The following PDE4D variants were observed in gnomAD, a reference collection of about 807,000 sequenced individuals.
PDE4D encodes the protein phosphodiesterase 4D, also known as 3',5'-cyclic-AMP phosphodiesterase 4D.
Under a neutral mutation model 87.4 loss-of-function variants are expected in PDE4D, and 24 were observed. The observed-to-expected ratio is 0.27, with a 90% CI of 0.20 to 0.39. The LOEUF (loss-of-function observed/expected upper bound fraction) is 0.39. Among genes scored for constraint, PDE4D ranks in the 10% least tolerant of loss-of-function variants. The pLI is 1.00. For missense variants in PDE4D, 714 were observed against 1,041.0 expected (o/e 0.69, Z 4.32); for synonymous variants, 384 against 383.2 (o/e 1.00, Z -0.02).
In PDE4D at chr5:59,887,738, TTTGTG is replaced by T. The variant is rs1561819003; in HGVS notation, c.455+5425_455+5429del. 2.0e-4 allele frequency among the ~76,000 whole-genome samples: 30 copies of T among 151,976 alleles called. No homozygotes were observed. In the South Asian group the frequency reaches 2.5e-3, roughly 13 times the overall value. ...AGCCATCAGTGTGTGTGTGTGTGTGTTTGTGTGTGTGTGTGTGTGTAAATGTATCC... is the reference window on the plus strand; with the variant it reads ...AGCCATCAGTGTGTGTGTGTGTGTGTTGTGTGTGTGTGTGTAAATGTATCC... On this transcript the variant is annotated intron_variant, in intron 1 of 14. Coordinates refer to ENST00000340635, the MANE Select transcript of PDE4D (RefSeq NM_001104631.2).
chr5:60,453,852 A>G (rs1467968059), intron 1 of PDE4D, among the ~76,000 whole-genome samples: 1 of 152,182 alleles, frequency 6.6e-6, no homozygotes, highest in Non-Finnish European at 1.5e-5. Flanking sequence ...GAAACAATGT[A>G]TAAGTGCACC....
intron 1 of PDE4D, among the ~76,000 whole-genome samples, chr5:59,422,542 C>T (rs943631529): frequency 2.0e-5 from 3 of 152,106 alleles, no homozygotes; most frequent in South Asian, 2.1e-4. Flanking sequence ...AGAAGCTTTC[C>T]GTTTGTAGTT....
At chr5:60,106,069 G>C (rs1428382702) in intron 2 of PDE4D, among the ~76,000 whole-genome samples, 2 of 152,080 alleles carry the variant, frequency 1.3e-5, no homozygotes, top group African/African-American at 4.8e-5. Context: ...TGGCAAATTG[G>C]ATAAAGGGTC....
At chr5:59,106,675 G>A (rs1166679840) in intron 5 of PDE4D, among the ~76,000 whole-genome samples, 8 of 152,302 alleles carry the variant, frequency 5.3e-5, no homozygotes, top group East Asian at 1.9e-4. Flanking sequence ...AAGGAGAATC[G>A]CTTGAACCCG....
At chr5:60,268,237 C>T (rs896763630) in intron 1 of PDE4D, among the ~76,000 whole-genome samples, 7 of 152,126 alleles carry the variant, frequency 4.6e-5, no homozygotes, top group African/African-American at 7.2e-5. Flanking sequence ...CTGTTTACAA[C>T]AAAATCATCA....
intron 1 of PDE4D, among the ~76,000 whole-genome samples, chr5:59,522,453 C>T (rs1284304441): frequency 3.3e-5 from 5 of 152,158 alleles, no homozygotes; most frequent in Non-Finnish European, 7.3e-5. Flanking sequence ...AATTGAGTAG[C>T]AAGGGAAGGT....
chr5:59,820,178 C>T (rs1429595477), intron 1 of PDE4D, among the ~76,000 whole-genome samples: 1 of 152,140 alleles, frequency 6.6e-6, no homozygotes, highest in African/African-American at 2.4e-5. Flanking sequence ...CTTTTTCTTG[C>T]CTCTCCCATT....
At chr5:60,134,141 G>A (rs1282012520) in intron 2 of PDE4D, among the ~76,000 whole-genome samples, 3 of 152,054 alleles carry the variant, frequency 2.0e-5, no homozygotes, top group Non-Finnish European at 4.4e-5. Flanking sequence ...TTTAATATTT[G>A]TATAATTTGT....
intron 2 of PDE4D, among the ~76,000 whole-genome samples, chr5:60,008,542 A>G (rs975023882): frequency 6.6e-6 from 1 of 152,028 alleles, no homozygotes; most frequent in Admixed American, 6.6e-5. Flanking sequence ...TGCAAGTTTT[A>G]GGTGTACACT....
intron 2 of PDE4D, among the ~76,000 whole-genome samples, chr5:60,044,592 C>A (rs1041689945): frequency 2.6e-5 from 4 of 151,720 alleles, no homozygotes; most frequent in Admixed American, 6.6e-5. Context: ...TCAATTCCCA[C>A]CTATGAGTGA....
At chr5:59,937,578 C>T (rs1056939257) in intron 3 of PDE4D, among the ~76,000 whole-genome samples, 2 of 152,118 alleles carry the variant, frequency 1.3e-5, no homozygotes, top group African/African-American at 4.8e-5. Flanking sequence ...AAGGACTTTC[C>T]CTGGTGCAGG....
intron 2 of PDE4D, among the ~76,000 whole-genome samples, chr5:60,064,810 C>T (rs1771871437): frequency 6.6e-6 from 1 of 152,084 alleles, no homozygotes; most frequent in African/African-American, 2.4e-5. Flanking sequence ...TCTCTGCTCC[C>T]AGTATAAATG....
chr5:58,969,634 ATATAAT>A lies in PDE4D; in HGVS notation c.*5024_*5029del, dbSNP rs1480682891. ...AGCTCCTTCATTGTACTGATCACAT[ATATAAT>A]TATATGAGTATTGTTTAAGCCTTTG... is the stretch of plus-strand genomic sequence containing the variant. On this transcript the variant is annotated 3_prime_UTR_variant, in exon 15 of 15. Coordinates refer to ENST00000340635, the MANE Select transcript of PDE4D (RefSeq NM_001104631.2). The A allele has an allele frequency of 6.6e-6, 1 of 152,164 alleles. No homozygotes were observed. The highest frequency in any genetic ancestry group is 1.5e-5 in the Non-Finnish European group (1 of 68,034). The allele number at this position is 152,164 out of a possible 1,614,324, so 9.4% of individuals were successfully genotyped here.
At chr5:60,446,900 A>G (rs1745685547) in intron 1 of PDE4D, among the ~76,000 whole-genome samples, 1 of 152,198 alleles carries the variant, frequency 6.6e-6, no homozygotes, top group Non-Finnish European at 1.5e-5. Flanking sequence ...GTTAGACCTG[A>G]AAATGTTGAA....
intron 6 of PDE4D, among the ~76,000 whole-genome samples, chr5:59,024,284 T>C (rs1411793838): frequency 2.1e-5 from 3 of 143,476 alleles, no homozygotes; most frequent in African/African-American, 7.9e-5. Context: ...CACTGCAACC[T>C]CTGCCTCCTG....
intron 5 of PDE4D, among the ~76,000 whole-genome samples, chr5:59,097,899 G>C (rs1770029689): frequency 6.6e-6 from 1 of 152,160 alleles, no homozygotes; most frequent in African/African-American, 2.4e-5. Flanking sequence ...GGCTGAGAGT[G>C]ACCCAGTAAT....
At chr5:59,288,793 T>G (rs1767466234) in intron 1 of PDE4D, among the ~76,000 whole-genome samples, 1 of 151,982 alleles carries the variant, frequency 6.6e-6, no homozygotes, top group Non-Finnish European at 1.5e-5. Flanking sequence ...AGGAGACATA[T>G]TCACAGTGCT....
intron 2 of PDE4D, among the ~76,000 whole-genome samples, chr5:60,112,267 A>G (rs182952158): frequency 5.3e-4 from 81 of 152,242 alleles, no homozygotes; most frequent in Admixed American, 1.2e-3. Flanking sequence ...CATTCTGAAC[A>G]TTATTCACCA....
At chr5:59,575,478 G>A (rs1208543722) in intron 1 of PDE4D, among the ~76,000 whole-genome samples, 1 of 152,140 alleles carries the variant, frequency 6.6e-6, no homozygotes, top group Non-Finnish European at 1.5e-5. Context: ...TAGATAAGGT[G>A]ATTTGTAGCA....
Sources: allele counts gnomAD v4.1 joint callset (sites outside exome capture counted in the v4.1 genomes callset), GRCh38; gene constraint gnomAD v4.1.1; transcripts MANE v1.5; gene names NCBI Gene and HGNC (gene_info 2026-07-23, HGNC 2026-07-21).